Variants in RANBP10 observed in about 807,000 individuals in gnomAD.
RANBP10 encodes ran-binding protein 10.
A neutral mutation model predicts 72.8 loss-of-function variants in RANBP10; 24 were observed. That is an observed-to-expected ratio of 0.33 (90% confidence interval 0.24 to 0.46). The LOEUF (loss-of-function observed/expected upper bound fraction) is 0.46, where lower values mean the gene tolerates loss of function less well. Ranked by LOEUF, RANBP10 falls within the 20% of genes least tolerant of loss-of-function variation. The pLI is 1.00. For synonymous variants in RANBP10, 310 were observed against 322.3 expected (o/e 0.96, Z 0.41); for missense variants, 679 against 817.5 (o/e 0.83, Z 2.07).
intron 5 of RANBP10, among the ~76,000 whole-genome samples, chr16:67,736,653 C>G (rs1000864034): frequency 1.3e-5 from 2 of 152,214 alleles, no homozygotes; most frequent in Non-Finnish European, 2.9e-5. Flanking sequence ...TCCCCCATAC[C>G]TTCTTGCATG....
intron 3 of RANBP10, among the ~76,000 whole-genome samples, chr16:67,765,210 A>C (rs956464719): frequency 5.3e-5 from 8 of 149,920 alleles, no homozygotes; most frequent in East Asian, 2.0e-4. Flanking sequence ...AAAAAAAAAA[A>C]AAAAAAAAAA....
At chr16:67,753,284 T>G (rs1373006926) in intron 3 of RANBP10, among the ~76,000 whole-genome samples, 1 of 150,936 alleles carries the variant, frequency 6.6e-6, no homozygotes, top group African/African-American at 2.4e-5. Context: ...GGCAAGTGGA[T>G]CGCTTGAGCC....
Position 67,769,369 on chromosome 16 carries a change from A to G in RANBP10, c.400+2665T>C, listed in dbSNP as rs1349583391. Among the ~76,000 whole-genome samples, 3 of 148,324 alleles carry G rather than the reference A, an allele frequency of 2.0e-5. No individual in the cohort carries two copies. In the Admixed American group the frequency reaches 2.1e-4, roughly 10 times the overall value. On this transcript the variant is annotated intron_variant, in intron 3 of 13. Coordinates refer to ENST00000317506, the MANE Select transcript of RANBP10 (RefSeq NM_020850.3). The stretch of plus-strand genomic sequence containing the variant: ...TGAGATGGGAGGATCGCTTGAGCCC[A>G]GCAGGTTAAGACTGCAGTGAGCAGT...
At position 67,723,804 on chromosome 16, in the gene RANBP10, C is replaced by T; in HGVS notation, c.*2624G>A. 6.6e-6 allele frequency: 1 copy of T among 152,482 alleles called. No homozygotes were observed. Among genetic ancestry groups the T allele is most frequent in the Non-Finnish European group, 1.5e-5 (1 of 68,154 alleles). 9.4% of individuals were successfully genotyped at this position (152,482 alleles called of 1,614,324 possible). A position where few individuals can be genotyped will look rare whatever the true frequency, so the allele number is the denominator to read the frequency against. On this transcript the variant is annotated 3_prime_UTR_variant, in exon 14 of 14. Transcript: ENST00000317506. Reference sequence around the variant, plus strand: ...CCCACTCTAGGCTCCTGGAAGCAGGCTGGTAGGACTGGATGTGCATAAGGG... The same window carrying T: ...CCCACTCTAGGCTCCTGGAAGCAGGTTGGTAGGACTGGATGTGCATAAGGG...
In RANBP10 at chr16:67,805,376, C is replaced by T. The variant is rs998563000; in HGVS notation, c.347+52G>A. The T allele has an allele frequency of 1.7e-5, 26 of 1,525,472 alleles. No individual in the cohort carries two copies. In the South Asian group the frequency reaches 2.8e-4, roughly 17 times the overall value. The allele number at this position is 1,525,472 out of a possible 1,614,324, so 94.5% of individuals were successfully genotyped here. A position where few individuals can be genotyped will look rare whatever the true frequency, so the allele number is the denominator to read the frequency against. On this transcript the variant is annotated intron_variant, in intron 2 of 13. Transcript: ENST00000317506. ...CCAGCCAAAGGACCTGAACTCTGAC[C>T]ACAGGGATCAGCTCCATGATCAGGG... is the stretch of plus-strand genomic sequence containing the variant.
intron 6 of RANBP10, among the ~76,000 whole-genome samples, chr16:67,732,902 A>T (rs2053761936): frequency 6.6e-6 from 1 of 151,766 alleles, no homozygotes; most frequent in Non-Finnish European, 1.5e-5. Context: ...ACAAAAAAAA[A>T]TTACGCCCGG....
chr16:67,800,139 A>C (rs1039500394), intron 2 of RANBP10, among the ~76,000 whole-genome samples: 4 of 151,660 alleles, frequency 2.6e-5, no homozygotes, highest in Non-Finnish European at 4.4e-5. Context: ...CAACAACAAC[A>C]ACAACCAAAA....
At chr16:67,801,446 T>TACTCC (rs2055233690) in intron 2 of RANBP10, among the ~76,000 whole-genome samples, 1 of 152,130 alleles carries the variant, frequency 6.6e-6, no homozygotes, top group Non-Finnish European at 1.5e-5. Context: ...TAAGTCAGGC[T>TACTCC]ACTCCACTGC....
chr16:67,790,151 C>T (rs1244832189), intron 2 of RANBP10, among the ~76,000 whole-genome samples: 1 of 150,398 alleles, frequency 6.6e-6, no homozygotes, highest in Non-Finnish European at 1.5e-5. Context: ...TGCCACAACA[C>T]AGATAAACCT....
At chr16:67,777,099 A>G (rs1267981485) in intron 2 of RANBP10, among the ~76,000 whole-genome samples, 2 of 151,992 alleles carry the variant, frequency 1.3e-5, no homozygotes, top group Non-Finnish European at 2.9e-5. Flanking sequence ...AATCCCAGCT[A>G]TTCGGGAGGC....
intron 3 of RANBP10, among the ~76,000 whole-genome samples, chr16:67,768,775 C>T (rs1254967693): frequency 6.6e-6 from 1 of 152,138 alleles, no homozygotes; most frequent in Non-Finnish European, 1.5e-5. Context: ...GCGTAACAGA[C>T]CACATCCTAA....
Position 67,788,582 on chromosome 16 carries a change from G to A in RANBP10, c.348-16496C>T, listed in dbSNP as rs531491573. On this transcript the variant is annotated intron_variant, in intron 2 of 13. Coordinates refer to ENST00000317506, the MANE Select transcript of RANBP10 (RefSeq NM_020850.3). Reference sequence around the variant, plus strand: ...TTTTTTTTGTATTTTTAGTAAAGACGGTGTTTCAACATATAACCAGGATGG... The same window carrying A: ...TTTTTTTTGTATTTTTAGTAAAGACAGTGTTTCAACATATAACCAGGATGG... Among the ~76,000 whole-genome samples, 11 of 151,592 alleles carry A rather than the reference G, an allele frequency of 7.3e-5. No homozygotes were observed. The East Asian group carries it at 1.4e-3, about 19-fold the overall frequency.
intron 2 of RANBP10, among the ~76,000 whole-genome samples, chr16:67,773,391 T>C (rs1165635830): frequency 6.6e-6 from 1 of 152,224 alleles, no homozygotes; most frequent in African/African-American, 2.4e-5. Flanking sequence ...AAACCTCTTT[T>C]CTTTATAAAC....
At chr16:67,798,177 G>A (rs2055168354) in intron 2 of RANBP10, among the ~76,000 whole-genome samples, 3 of 152,006 alleles carry the variant, frequency 2.0e-5, no homozygotes, top group Admixed American at 2.0e-4. Flanking sequence ...CTGCCTGTAA[G>A]ACCATCAACT....
chr16:67,758,248 C>G (rs1227969590), intron 3 of RANBP10, among the ~76,000 whole-genome samples: 1 of 152,196 alleles, frequency 6.6e-6, no homozygotes, highest in East Asian at 1.9e-4. Flanking sequence ...CTTGTCCCGA[C>G]AGGACAAGCT....
rs137933924 is a variant in RANBP10, at chr16:67,795,198, T to C, written c.347+10230A>G. On this transcript the variant is annotated intron_variant, in intron 2 of 13. Transcript: ENST00000317506. ...AGGAGGGGAGGTTGCAGAGCCATGA[T>C]TGCAATACTGCACTCCAGCCTGGGC... is the stretch of plus-strand genomic sequence containing the variant. Among the ~76,000 whole-genome samples the C allele has an allele frequency of 1.0e-3, 158 of 151,206 alleles. 4 individuals carry two copies. The East Asian group carries it at 0.029, about 28-fold the overall frequency.
intron 2 of RANBP10, 108 bp from the exon 3 acceptor site, chr16:67,772,194 T>C: frequency 1.7e-6 from 2 of 1,203,458 alleles, no homozygotes; most frequent in Non-Finnish European, 2.3e-6. Context: ...AGAAAAGCAA[T>C]GAATGTAGAG....
In RANBP10 at chr16:67,784,129, G is replaced by A. The variant is rs569806810; in HGVS notation, c.348-12043C>T. On this transcript the variant is annotated intron_variant, in intron 2 of 13. Transcript: ENST00000317506. ...AATATAGATGCAAAAATCCTTAATAGAATAGTAGCAGACCAAATCCAACAG... is the reference window on the plus strand; with the variant it reads ...AATATAGATGCAAAAATCCTTAATAAAATAGTAGCAGACCAAATCCAACAG... Among the ~76,000 whole-genome samples the A allele has an allele frequency of 7.3e-5, 11 of 150,408 alleles. No individual in the cohort carries two copies. The South Asian group carries it at 1.9e-3, about 26-fold the overall frequency.
chr16:67,779,130 C>G (rs1355719110), intron 2 of RANBP10, among the ~76,000 whole-genome samples: 2 of 152,062 alleles, frequency 1.3e-5, no homozygotes, highest in Non-Finnish European at 2.9e-5. Flanking sequence ...CGCAGTGGCT[C>G]ATGCCTGTAA....
Sources: gnomAD v4.1 joint callset for allele counts (sites outside exome capture counted in the v4.1 genomes callset) on GRCh38, gnomAD v4.1.1 for gene constraint, MANE v1.5 for transcripts, NCBI Gene and HGNC (gene_info 2026-07-23, HGNC 2026-07-21) for gene names.